PHACTR1: variants seen among roughly 807,000 people sequenced by gnomAD.
PHACTR1 encodes the protein phosphatase and actin regulator 1.
A neutral mutation model predicts 69.2 loss-of-function variants in PHACTR1; 16 were observed. That is an observed-to-expected ratio of 0.23 (90% CI 0.16 to 0.35). The LOEUF is 0.35. Among genes scored for constraint, PHACTR1 ranks in the 10% least tolerant of loss-of-function variants. The pLI, the probability that PHACTR1 is intolerant of heterozygous loss-of-function variation, is 1.00. For missense variants in PHACTR1, 510 were observed against 734.7 expected (o/e 0.69, Z 3.54); for synonymous variants, 312 against 284.5 (o/e 1.10, Z -0.97).
chr6:12,797,603 T>C (rs1229841483), intron 4 of PHACTR1, among the ~76,000 whole-genome samples: 10 of 152,136 alleles, frequency 6.6e-5, no homozygotes, highest in African/African-American at 1.9e-4. Context: ...AGTGGGAGCA[T>C]AGGGGAAAGC....
intron 4 of PHACTR1, among the ~76,000 whole-genome samples, chr6:13,003,872 T>G (rs1017491040): frequency 4.7e-5 from 7 of 149,860 alleles, no homozygotes; most frequent in African/African-American, 1.7e-4. Flanking sequence ...TTGTTTCACT[T>G]AAGAGAATGG....
chr6:13,071,764 A>G (rs777017938), intron 5 of PHACTR1, among the ~76,000 whole-genome samples: 1 of 152,112 alleles, frequency 6.6e-6, no homozygotes, highest in Non-Finnish European at 1.5e-5. Context: ...GCTGGGGTTT[A>G]CCTTCTCTGA....
intron 4 of PHACTR1, among the ~76,000 whole-genome samples, chr6:12,951,478 C>T (rs1347893730): frequency 6.6e-6 from 1 of 152,220 alleles, no homozygotes; most frequent in Non-Finnish European, 1.5e-5. Context: ...TTATAATCTG[C>T]AATATCCTCA....
chr6:13,146,591 C>T (rs527743406), intron 5 of PHACTR1, among the ~76,000 whole-genome samples: 1 of 152,330 alleles, frequency 6.6e-6, no homozygotes, highest in East Asian at 1.9e-4. Flanking sequence ...TTTCCATTAA[C>T]TTGGCACCAC....
At chr6:12,723,446 G>A (rs1561817728) in intron 3 of PHACTR1, among the ~76,000 whole-genome samples, 1 of 151,270 alleles carries the variant, frequency 6.6e-6, no homozygotes, top group Admixed American at 6.6e-5. Context: ...TGAATTCAGT[G>A]CACATTACAA....
intron 4 of PHACTR1, among the ~76,000 whole-genome samples, chr6:12,786,522 G>A (rs1771564978): frequency 6.6e-6 from 1 of 152,220 alleles, no homozygotes; most frequent in African/African-American, 2.4e-5. Flanking sequence ...TCTGGAAAGT[G>A]CGAATTGTTA....
At chr6:12,840,375 T>C (rs1200345977) in intron 4 of PHACTR1, among the ~76,000 whole-genome samples, 1 of 152,224 alleles carries the variant, frequency 6.6e-6, no homozygotes, top group Non-Finnish European at 1.5e-5. Context: ...GCTTATTATC[T>C]TTAAATACTG....
rs144471801 is a variant in PHACTR1 at position 13,280,994 on chromosome 6, G to C, written c.1510-2428G>C. 1.4e-4 allele frequency: 185 copies of C among 1,289,622 alleles called. No individual in the cohort carries two copies. The African/African-American group carries it at 2.3e-3, about 16-fold the overall frequency. 79.9% of individuals were successfully genotyped at this position (1,289,622 alleles called of 1,614,324 possible). A position where few individuals can be genotyped will look rare whatever the true frequency, so the allele number is the denominator to read the frequency against. On this transcript the variant is annotated intron_variant, in intron 12 of 14. Transcript: ENST00000332995. ...GGGTCCGTGCACCAACTGTGACTCT[G>C]AGAGGCAGCAGCCAGCTGCATCCTC...
intron 4 of PHACTR1, among the ~76,000 whole-genome samples, chr6:12,850,530 C>T (rs915077931): frequency 6.6e-6 from 1 of 152,242 alleles, no homozygotes; most frequent in East Asian, 1.9e-4. Flanking sequence ...AGTTGGGTCT[C>T]CAGTAGCCTT....
chr6:12,789,386 AT>A (rs902770549), intron 4 of PHACTR1, among the ~76,000 whole-genome samples: 3 of 151,300 alleles, frequency 2.0e-5, no homozygotes, highest in Admixed American at 1.3e-4. Context: ...CCTATCCCTG[AT>A]TTTTTTTTAA....
At chr6:12,925,598 A>G (rs1184082076) in intron 4 of PHACTR1, among the ~76,000 whole-genome samples, 1 of 152,224 alleles carries the variant, frequency 6.6e-6, no homozygotes, top group African/African-American at 2.4e-5. Flanking sequence ...CATTTTCCCC[A>G]TTCCTCTTGT....
intron 10 of PHACTR1, among the ~76,000 whole-genome samples, chr6:13,270,182 CACTT>C (rs1562098250): frequency 6.6e-6 from 1 of 152,220 alleles, no homozygotes; most frequent in Admixed American, 6.5e-5. Flanking sequence ...CTCAGGGAAA[CACTT>C]ACTTTACCAG....
intron 8 of PHACTR1, among the ~76,000 whole-genome samples, chr6:13,218,799 G>GAGA (rs200769583): frequency 4.0e-5 from 6 of 148,656 alleles, no homozygotes; most frequent in Non-Finnish European, 7.4e-5. Flanking sequence ...GAAGGAGGAG[G>GAGA]AGAAGAAGAA....
intron 5 of PHACTR1, among the ~76,000 whole-genome samples, chr6:13,159,311 C>A (rs578157533): frequency 6.6e-6 from 1 of 152,296 alleles, no homozygotes; most frequent in East Asian, 1.9e-4. Context: ...GGAAGCCACC[C>A]CTACCTTTAG....
At position 13,053,390 on chromosome 6, in the gene PHACTR1, G is replaced by A. The variant is rs750873033; in HGVS notation, c.276G>A (p.Ala92=). 7 of 1,610,952 alleles carry A rather than the reference G, an allele frequency of 4.3e-6. No individual in the cohort carries two copies. The highest frequency in any genetic ancestry group is 3.4e-5 in the Admixed American group (2 of 59,640). ...CTGAGGAAGTGGAGAGGCTGGCGGC[G>A]ATGCGTTCTGACTCCCTCGTCCCAG... ...GAAEEVERLA[A]MRSDSLVPGT... Residue 92 remains alanine (A), a synonymous_variant, in exon 5 of 15, where the codon GCG becomes GCA. Transcript: ENST00000332995.
At chr6:13,186,621 A>G (rs750536887) in intron 7 of PHACTR1, among the ~76,000 whole-genome samples, 1 of 152,218 alleles carries the variant, frequency 6.6e-6, no homozygotes, top group African/African-American at 2.4e-5. Flanking sequence ...AAACCCCTAC[A>G]TGTAGTACAT....
At chr6:13,168,072 T>G (rs12195007) in intron 6 of PHACTR1, among the ~76,000 whole-genome samples, 2,031 of 152,342 alleles carry the variant, frequency 0.013, 27 homozygotes, top group Non-Finnish European at 0.024. Context: ...CCAGGCACTA[T>G]TGTTTGTCAT....
chr6:13,199,282 G>A (rs1317177068), intron 7 of PHACTR1, among the ~76,000 whole-genome samples: 1 of 150,118 alleles, frequency 6.7e-6, no homozygotes, highest in African/African-American at 2.4e-5. Context: ...AGCTACTTGG[G>A]AGGCTAAAGC....
At chr6:13,096,415 G>A (rs1432057155) in intron 5 of PHACTR1, among the ~76,000 whole-genome samples, 1 of 152,150 alleles carries the variant, frequency 6.6e-6, no homozygotes. Flanking sequence ...CAGCCATAGC[G>A]GGCAAAGCTT....
Sources: gnomAD v4.1 joint callset for allele counts (sites outside exome capture counted in the v4.1 genomes callset) on GRCh38, gnomAD v4.1.1 for gene constraint, MANE v1.5 for transcripts, NCBI Gene and HGNC (gene_info 2026-07-23, HGNC 2026-07-21) for gene names.